VWA3B: variants seen among roughly 807,000 people sequenced by gnomAD.
VWA3B encodes the protein von Willebrand factor A domain-containing protein 3B.
In VWA3B, 138 loss-of-function variants were observed where a neutral mutation model predicts 158.3. The observed-to-expected ratio is 0.87, with a 90% CI of 0.76 to 1.00. The LOEUF (loss-of-function observed/expected upper bound fraction) is 1.00, where lower values mean the gene tolerates loss of function less well. Among genes scored for constraint, VWA3B ranks in the 50% least tolerant of loss-of-function variants. The pLI, the probability that VWA3B is intolerant of heterozygous loss-of-function variation, is 0.00. For missense variants in VWA3B, 1,555 were observed against 1,565.1 expected (o/e 0.99, Z 0.11); for synonymous variants, 596 against 587.3 (o/e 1.01, Z -0.21).
At chr2:98,140,179 C>T (rs756006992) in intron 7 of VWA3B, among the ~76,000 whole-genome samples, 9 of 152,210 alleles carry the variant, frequency 5.9e-5, no homozygotes, top group Non-Finnish European at 1.0e-4. Flanking sequence ...AGCTGTAACA[C>T]GCACCGCGAA....
intron 7 of VWA3B, among the ~76,000 whole-genome samples, chr2:98,154,413 C>A (rs1272726058): frequency 1.3e-5 from 2 of 152,210 alleles, no homozygotes; most frequent in African/African-American, 4.8e-5. Context: ...TGTCCACCTG[C>A]ACCTTGCCCT....
chr2:98,319,861 CAG>C, the VWA3B span, among the ~76,000 whole-genome samples: 1 of 145,890 alleles, frequency 6.9e-6, no homozygotes, highest in South Asian at 2.3e-4. Context: ...ACCTGGGTGA[CAG>C]AGTGAGACTC....
At chr2:98,171,733 G>T (rs1432209511) in intron 8 of VWA3B, among the ~76,000 whole-genome samples, 2 of 152,104 alleles carry the variant, frequency 1.3e-5, no homozygotes, top group Admixed American at 6.5e-5. Flanking sequence ...TGGAGATGAG[G>T]GGACAAACAG....
downstream of VWA3B, among the ~76,000 whole-genome samples, chr2:98,316,378 C>A (rs1691086718): frequency 6.6e-6 from 1 of 152,138 alleles, no homozygotes; most frequent in South Asian, 2.1e-4. Context: ...CGCGGTGGCT[C>A]ATGCCTGTAA....
At chr2:98,121,236 G>C in intron 4 of VWA3B, 63 bp from the exon 5 acceptor site, 1 of 1,562,884 alleles carries the variant, frequency 6.4e-7, no homozygotes, top group Non-Finnish European at 8.8e-7. Context: ...CTGTGAGACG[G>C]AGGTTTGGCA....
intron 21 of VWA3B, among the ~76,000 whole-genome samples, chr2:98,264,645 G>A (rs1441869896): frequency 6.6e-6 from 1 of 151,916 alleles, no homozygotes; most frequent in Non-Finnish European, 1.5e-5. Context: ...GTCTATTCTG[G>A]AGAATATTCC....
intron 10 of VWA3B, among the ~76,000 whole-genome samples, chr2:98,189,612 G>A (rs980753766): frequency 1.3e-5 from 2 of 152,138 alleles, no homozygotes; most frequent in African/African-American, 4.8e-5. Flanking sequence ...TGTCATTCAA[G>A]TCTTTCATAT....
chr2:98,237,171 G>A (rs753467428), intron 19 of VWA3B, among the ~76,000 whole-genome samples: 27 of 152,198 alleles, frequency 1.8e-4, no homozygotes, highest in Non-Finnish European at 3.5e-4. Context: ...GCGAGATCTT[G>A]TCTCAAAAAC....
chr2:98,164,240 G>A (rs1250286593), intron 8 of VWA3B, among the ~76,000 whole-genome samples: 1 of 152,190 alleles, frequency 6.6e-6, no homozygotes, highest in Non-Finnish European at 1.5e-5. Flanking sequence ...TTACTTGGAA[G>A]GAGTAGTGTG....
At position 98,302,642 on chromosome 2, in the gene VWA3B, T is replaced by C. The variant is rs149891874; in HGVS notation, c.3421-1060T>C. Among the ~76,000 whole-genome samples the C allele has an allele frequency of 1.4e-3, 218 of 152,266 alleles. 4 individuals are homozygous for C. The highest frequency in any genetic ancestry group is 5.1e-3 in the African/African-American group (211 of 41,548). On this transcript the variant is annotated intron_variant, in intron 25 of 27. Transcript: ENST00000477737. ...AACACCATGAGGTAGAGACTATTAT[T>C]ACACTGATTTCCAGAAAAGGAATTG...
chr2:98,191,222 T>C (rs1490913162), intron 10 of VWA3B, among the ~76,000 whole-genome samples: 3 of 152,218 alleles, frequency 2.0e-5, no homozygotes, highest in Admixed American at 6.5e-5. Flanking sequence ...TCTCTCCTCA[T>C]TCTGTTTATA....
At position 98,193,598 on chromosome 2, in the gene VWA3B, CTTTT is replaced by C. The variant is rs376090829; in HGVS notation, c.1605+574_1605+577del. Among the ~76,000 whole-genome samples the C allele has an allele frequency of 7.4e-3, 1,058 of 142,922 alleles. 13 individuals carry two copies. Among genetic ancestry groups the C allele is most frequent in the African/African-American group, 0.026 (1,007 of 39,260 alleles). 93.8% of individuals were successfully genotyped at this position (142,922 alleles called of 152,430 possible). ...GAGTGTTTGAGAAATACAAAATGCA[CTTTT>C]TTTTTTTTTTTGAGATGGAGTCTCA... On this transcript the variant is annotated intron_variant, in intron 11 of 27. Coordinates refer to ENST00000477737, the MANE Select transcript of VWA3B (RefSeq NM_144992.5).
At chr2:98,114,745 C>T (rs142530055) in intron 2 of VWA3B, among the ~76,000 whole-genome samples, 1 of 152,342 alleles carries the variant, frequency 6.6e-6, no homozygotes, top group East Asian at 1.9e-4. Context: ...TTTGAATCCT[C>T]TCCATAGGCT....
intron 24 of VWA3B, among the ~76,000 whole-genome samples, chr2:98,298,515 A>G (rs1689984790): frequency 6.6e-6 from 1 of 152,088 alleles, no homozygotes; most frequent in South Asian, 2.1e-4. Context: ...TTACATAATA[A>G]CAAGGGCAGA....
chr2:98,111,397 G>T (rs991566544), intron 2 of VWA3B, among the ~76,000 whole-genome samples: 3 of 152,142 alleles, frequency 2.0e-5, no homozygotes, highest in Non-Finnish European at 2.9e-5. Context: ...TTGATAAAAT[G>T]ATTTCTTTTC....
At chr2:98,326,375 T>A in the VWA3B span, among the ~76,000 whole-genome samples, 1 of 152,216 alleles carries the variant, frequency 6.6e-6, no homozygotes, top group Admixed American at 6.5e-5. Flanking sequence ...CTTATATCTA[T>A]GAAAGAAAGT....
At chr2:98,261,493 A>G (rs1687476242) in intron 21 of VWA3B, among the ~76,000 whole-genome samples, 1 of 151,800 alleles carries the variant, frequency 6.6e-6, no homozygotes, top group Non-Finnish European at 1.5e-5. Context: ...TATCTTTACT[A>G]GTACTATTTA....
intron 7 of VWA3B, among the ~76,000 whole-genome samples, chr2:98,146,979 C>T (rs1230419851): frequency 6.6e-6 from 1 of 152,146 alleles, no homozygotes; most frequent in East Asian, 1.9e-4. Flanking sequence ...ATGTGGCATA[C>T]ATTATGTTGC....
At chr2:98,330,030 G>A in the VWA3B span, among the ~76,000 whole-genome samples, 2 of 152,148 alleles carry the variant, frequency 1.3e-5, no homozygotes, top group Non-Finnish European at 2.9e-5. Flanking sequence ...TGTGATCTCC[G>A]GACCTATGAG....
Sources: allele counts gnomAD v4.1 joint callset (sites outside exome capture counted in the v4.1 genomes callset), GRCh38; gene constraint gnomAD v4.1.1; transcripts MANE v1.5; gene names NCBI Gene and HGNC (gene_info 2026-07-23, HGNC 2026-07-21).